Variants in CTNNA3 observed in about 807,000 individuals in gnomAD.
CTNNA3 encodes the protein catenin alpha 3.
CTNNA3 carries 76 observed loss-of-function variants against 95.7 expected under a neutral mutation model. The ratio of observed to expected loss-of-function variants is 0.79; its 90% confidence interval spans 0.66 to 0.96. CTNNA3 has a LOEUF of 0.96. Ranked by LOEUF, CTNNA3 falls within the 40% of genes least tolerant of loss-of-function variation. The pLI, the probability that CTNNA3 is intolerant of heterozygous loss-of-function variation, is 0.00. For synonymous variants in CTNNA3, 431 were observed against 374.4 expected (o/e 1.15, Z -1.74); for missense variants, 1,191 against 1,089.8 (o/e 1.09, Z -1.31).
chr10:66,309,072 A>G (rs2091968949), intron 12 of CTNNA3, among the ~76,000 whole-genome samples: 2 of 152,198 alleles, frequency 1.3e-5, no homozygotes, highest in African/African-American at 4.8e-5. Context: ...ACATTTACCA[A>G]CAGTAAAATG....
At chr10:67,635,537 C>G (rs1019374482) in intron 2 of CTNNA3, among the ~76,000 whole-genome samples, 4 of 152,016 alleles carry the variant, frequency 2.6e-5, no homozygotes, top group Non-Finnish European at 4.4e-5. Flanking sequence ...ACAAATGTGA[C>G]TCATCACATA....
At chr10:67,416,826 A>G (rs1440757048) in intron 5 of CTNNA3, among the ~76,000 whole-genome samples, 1 of 152,114 alleles carries the variant, frequency 6.6e-6, no homozygotes, top group East Asian at 1.9e-4. Flanking sequence ...GAGAAAAGGA[A>G]ATGCTTATAC....
chr10:66,509,377 T>C (rs1457042629), intron 11 of CTNNA3, among the ~76,000 whole-genome samples: 1 of 152,074 alleles, frequency 6.6e-6, no homozygotes, highest in Non-Finnish European at 1.5e-5. Flanking sequence ...TGTAGAAGCT[T>C]TGTAGTTTTA....
At chr10:66,573,083 T>C (rs893217969) in intron 10 of CTNNA3, among the ~76,000 whole-genome samples, 1 of 152,158 alleles carries the variant, frequency 6.6e-6, no homozygotes, top group Non-Finnish European at 1.5e-5. Context: ...CTAGGGGAAA[T>C]GGCTTATATA....
intron 7 of CTNNA3, among the ~76,000 whole-genome samples, chr10:66,844,063 A>G (rs1184860930): frequency 1.3e-5 from 2 of 152,224 alleles, no homozygotes; most frequent in African/African-American, 2.4e-5. Context: ...CCAAGCTTGT[A>G]TAGCTGGCTA....
intron 3 of CTNNA3, among the ~76,000 whole-genome samples, chr10:67,592,849 A>G (rs960750582): frequency 3.4e-4 from 52 of 152,276 alleles, no homozygotes; most frequent in African/African-American, 1.2e-3. Flanking sequence ...TCGGGGGTAC[A>G]TGTGCAGATT....
At chr10:66,593,327 G>T (rs1406002948) in intron 10 of CTNNA3, among the ~76,000 whole-genome samples, 1 of 152,128 alleles carries the variant, frequency 6.6e-6, no homozygotes, top group Non-Finnish European at 1.5e-5. Flanking sequence ...TGGTGACATA[G>T]AGTTGTGAAT....
At chr10:66,414,026 A>G (rs1334689066) in intron 11 of CTNNA3, among the ~76,000 whole-genome samples, 1 of 152,222 alleles carries the variant, frequency 6.6e-6, no homozygotes, top group Non-Finnish European at 1.5e-5. Flanking sequence ...CCTTACAGAT[A>G]TATCTTTTAA....
At chr10:66,360,804 CCTTCCTTCCTTCCTTTCTTT>C (rs1270466726) in intron 12 of CTNNA3, among the ~76,000 whole-genome samples, 29 of 69,878 alleles carry the variant, frequency 4.2e-4, no homozygotes, top group African/African-American at 1.4e-3. Context: ...TTCCTTCCTT[CCTTCCTTCCTTCCTTTCTTT>C]CTTTCTTTCT....
chr10:67,049,008 C>A (rs188280511), intron 7 of CTNNA3, among the ~76,000 whole-genome samples: 1 of 140,376 alleles, frequency 7.1e-6, no homozygotes, highest in African/African-American at 2.6e-5. Flanking sequence ...TATTTTATAG[C>A]AAAAATTTAT....
intron 9 of CTNNA3, among the ~76,000 whole-genome samples, chr10:66,752,841 GACACACACAC>G (rs141354953): frequency 6.6e-6 from 1 of 151,268 alleles, no homozygotes; most frequent in Non-Finnish European, 1.5e-5. Context: ...TCCTAAGGAA[GACACACACAC>G]ACACGCACAC....
chr10:66,986,815 C>T (rs1456987407), intron 7 of CTNNA3, among the ~76,000 whole-genome samples: 1 of 152,122 alleles, frequency 6.6e-6, no homozygotes, highest in African/African-American at 2.4e-5. Flanking sequence ...ATTTCTCCAT[C>T]AATTAATCTA....
intron 5 of CTNNA3, among the ~76,000 whole-genome samples, chr10:67,265,723 A>G (rs1866798441): frequency 1.3e-5 from 2 of 152,176 alleles, no homozygotes; most frequent in South Asian, 4.1e-4. Context: ...GATTAATTAA[A>G]CATCCATGTG....
At chr10:67,031,975 A>T (rs1466987513) in intron 7 of CTNNA3, among the ~76,000 whole-genome samples, 1 of 152,190 alleles carries the variant, frequency 6.6e-6, no homozygotes, top group Non-Finnish European at 1.5e-5. Flanking sequence ...AATTCTAGAA[A>T]TCTGAGTTCT....
intron 14 of CTNNA3, among the ~76,000 whole-genome samples, chr10:66,074,462 ACACTGT>A (rs1267910535): frequency 6.6e-6 from 1 of 151,732 alleles, no homozygotes; most frequent in Non-Finnish European, 1.5e-5. Flanking sequence ...TTCCTTCAAC[ACACTGT>A]ACCCTCAAGC....
intron 12 of CTNNA3, among the ~76,000 whole-genome samples, chr10:66,296,618 C>A (rs1441772327): frequency 6.6e-6 from 1 of 151,508 alleles, no homozygotes; most frequent in Non-Finnish European, 1.5e-5. Flanking sequence ...TATCTATACA[C>A]ACACACACAC....
At chr10:66,289,838 A>C (rs533424865) in intron 12 of CTNNA3, among the ~76,000 whole-genome samples, 2 of 152,090 alleles carry the variant, frequency 1.3e-5, no homozygotes, top group African/African-American at 2.4e-5. Context: ...GAATCTATGT[A>C]AACTATGATT....
intron 11 of CTNNA3, among the ~76,000 whole-genome samples, chr10:66,454,181 C>T (rs1231880805): frequency 1.3e-5 from 2 of 152,160 alleles, no homozygotes; most frequent in Non-Finnish European, 2.9e-5. Flanking sequence ...AGGAACACAG[C>T]CTTGCTGACA....
At chr10:67,744,350 A>G (rs975284185) in intron 1 of CTNNA3, among the ~76,000 whole-genome samples, 10 of 151,268 alleles carry the variant, frequency 6.6e-5, no homozygotes, top group Non-Finnish European at 1.5e-4. Flanking sequence ...ATAATGCCAT[A>G]TATCTACAAC....
Sources: gnomAD v4.1 joint callset for allele counts (sites outside exome capture counted in the v4.1 genomes callset) on GRCh38, gnomAD v4.1.1 for gene constraint, MANE v1.5 for transcripts, NCBI Gene and HGNC (gene_info 2026-07-23, HGNC 2026-07-21) for gene names.